The following PCDHA6 variants were observed in gnomAD, a reference collection of about 807,000 sequenced individuals.
The protein encoded by PCDHA6 is protocadherin alpha-6.
PCDHA6 carries 55 observed loss-of-function variants against 60.3 expected under a neutral mutation model. The observed-to-expected ratio is 0.91, with a 90% CI of 0.73 to 1.14. The LOEUF is 1.14. PCDHA6 is among the 50% of genes most tolerant of loss of function. PCDHA6 has a pLI of 0.00. For missense variants in PCDHA6, 1,327 were observed against 1,256.5 expected, an observed-to-expected ratio of 1.06 and a Z score of -0.85; for synonymous variants, 652 against 557.9, an observed-to-expected ratio of 1.17 and a Z score of -2.38.
In PCDHA6 at chr5:140,869,777, C is replaced by A. The variant is rs184691375; in HGVS notation, c.2394+39292C>A. On this transcript the variant is annotated intron_variant, in intron 1 of 3. Transcript: ENST00000529310. ...GGGGGAAAACCAGAGCTTACTGGCA[C>A]CGTTCGGCTGTTAGTCCAAGTCTTG... The A allele has an allele frequency of 1.0e-4, 167 of 1,612,982 alleles. 1 individual carries two copies. The highest frequency in any genetic ancestry group is 6.8e-6 in the Non-Finnish European group (8 of 1,179,600).
At chr5:140,884,317 G>C (rs1401667312) in intron 1 of PCDHA6, 15 of 1,613,780 alleles carry the variant, frequency 9.3e-6, no homozygotes, top group Non-Finnish European at 1.3e-5. Context: ...CGAGGGCGTC[G>C]GCAGGCGCTG....
chr5:140,844,111 C>T lies in PCDHA6; in HGVS notation c.2394+13626C>T, dbSNP rs2150368836. Among the ~76,000 whole-genome samples, 154 of 149,570 alleles carry T rather than the reference C, an allele frequency of 1.0e-3. 8 individuals are homozygous for T. The highest frequency in any genetic ancestry group is 3.7e-3 in the African/African-American group (153 of 40,936). On this transcript the variant is annotated intron_variant, in intron 1 of 3. Transcript: ENST00000529310. ...TCTTAATCTTACTCCATATGCTGTA[C>T]TTTGAAATGCATGTTTTAAATATGT...
rs141079325 is a variant in PCDHA6 at position 140,900,797 on chromosome 5, T to C, written c.2394+70312T>C. Among the ~76,000 whole-genome samples the C allele has an allele frequency of 8.0e-3, 1,218 of 152,324 alleles. 6 individuals carry two copies. Among genetic ancestry groups the C allele is most frequent in the African/African-American group, 0.019 (783 of 41,568 alleles). On this transcript the variant is annotated intron_variant, in intron 1 of 3. Coordinates refer to ENST00000529310, the MANE Select transcript of PCDHA6 (RefSeq NM_018909.4). ...TGAGGAAACTCCAAACTGTTCTCCA[T>C]AGTGCTTGTACTAATTTACATTCCC...
At chr5:140,978,770 A>G in intron 1 of PCDHA6, 179 bp from the exon 2 acceptor site, 3 of 956,466 alleles carry the variant, frequency 3.1e-6, no homozygotes, top group Non-Finnish European at 2.5e-6. Context: ...CTGATGAACT[A>G]ATTTTCTTCT....
chr5:140,963,529 C>T (rs1332936829), intron 1 of PCDHA6, among the ~76,000 whole-genome samples: 1 of 152,176 alleles, frequency 6.6e-6, no homozygotes, highest in Non-Finnish European at 1.5e-5. Flanking sequence ...ACAGAAGTCC[C>T]ATTTACTTCA....
intron 1 of PCDHA6, chr5:140,853,122 T>A: frequency 1.9e-6 from 1 of 528,258 alleles, no homozygotes; most frequent in Non-Finnish European, 2.5e-6. Flanking sequence ...CTCATGATCC[T>A]CCCGCCTCAG....
chr5:140,917,491 C>G (rs2078223929), intron 1 of PCDHA6, among the ~76,000 whole-genome samples: 1 of 152,172 alleles, frequency 6.6e-6, no homozygotes, highest in Non-Finnish European at 1.5e-5. Flanking sequence ...GGGCCTATGC[C>G]CAGAATGATA....
chr5:140,903,859 T>C (rs2070674942), intron 1 of PCDHA6, among the ~76,000 whole-genome samples: 1 of 152,186 alleles, frequency 6.6e-6, no homozygotes, highest in Non-Finnish European at 1.5e-5. Context: ...ACAAATAATA[T>C]AGAGTAAAAT....
intron 1 of PCDHA6, chr5:140,870,960 C>T: frequency 6.2e-7 from 1 of 1,613,670 alleles, no homozygotes; most frequent in Non-Finnish European, 8.5e-7. Context: ...GCTCGCGCAT[C>T]CCGTTCCGCG....
intron 1 of PCDHA6, chr5:140,968,473 G>T (rs1389339011): frequency 6.2e-7 from 1 of 1,613,980 alleles, no homozygotes; most frequent in African/African-American, 1.3e-5. Context: ...ACGTATATGT[G>T]GTGGACATGA....
chr5:140,832,322 A>G (rs187612308), intron 1 of PCDHA6, among the ~76,000 whole-genome samples: 3 of 152,242 alleles, frequency 2.0e-5, no homozygotes, highest in Non-Finnish European at 2.9e-5. Context: ...CTTAAGGGCC[A>G]TTAGAGGACT....
intron 1 of PCDHA6, chr5:140,966,522 G>C (rs1350046535): frequency 2.3e-6 from 1 of 437,158 alleles, no homozygotes; most frequent in Non-Finnish European, 4.0e-6. Context: ...GCAGGAAGCC[G>C]AGCCGGGTTG....
At chr5:140,836,687 C>A (rs2150267868) in intron 1 of PCDHA6, 2 of 1,613,458 alleles carry the variant, frequency 1.2e-6, no homozygotes, top group Non-Finnish European at 1.7e-6. Context: ...CCAAGACAGA[C>A]CTCATGGCCT....
At chr5:140,880,509 T>G (rs754891409) in intron 1 of PCDHA6, among the ~76,000 whole-genome samples, 134 of 152,182 alleles carry the variant, frequency 8.8e-4, no homozygotes, top group Non-Finnish European at 1.6e-3. Flanking sequence ...TTCTGTTTGG[T>G]CACATCTCTC....
chr5:141,003,648 G>A lies in PCDHA6; in HGVS notation c.2543-5979G>A, dbSNP rs1314983871. On this transcript the variant is annotated intron_variant, in intron 3 of 3. Transcript: ENST00000529310. ...GTTTTTAAAGTAGAAGTGAAGATCTGTATGCATTTATTAAAATATATGTTG... is the reference window on the plus strand; with the variant it reads ...GTTTTTAAAGTAGAAGTGAAGATCTATATGCATTTATTAAAATATATGTTG... Among the ~76,000 whole-genome samples the A allele has an allele frequency of 3.3e-5, 5 of 152,226 alleles. No individual in the cohort carries two copies. In the South Asian group the frequency reaches 6.2e-4, roughly 19 times the overall value.
At chr5:140,885,832 T>C (rs888778134) in intron 1 of PCDHA6, among the ~76,000 whole-genome samples, 1 of 152,244 alleles carries the variant, frequency 6.6e-6, no homozygotes, top group South Asian at 2.1e-4. Flanking sequence ...TTCTTTGATT[T>C]ATCCATTAAG....
chr5:140,836,719 G>A (rs1774695669), intron 1 of PCDHA6: 1 of 1,612,572 alleles, frequency 6.2e-7, no homozygotes, highest in African/African-American at 1.3e-5. Context: ...CTTCCTCAGG[G>A]TCCATCCTCT....
intron 1 of PCDHA6, among the ~76,000 whole-genome samples, chr5:140,873,773 G>A (rs1554166889): frequency 6.6e-6 from 1 of 152,120 alleles, no homozygotes; most frequent in Non-Finnish European, 1.5e-5. Context: ...CAATTCTCCT[G>A]CCTCAGCTTT....
rs1781368180 is a variant in PCDHA6 at position 140,848,199 on chromosome 5, A to G, written c.2394+17714A>G. 9.4e-6 allele frequency: 3 copies of G among 318,910 alleles called. No individual in the cohort carries two copies. In the East Asian group the frequency reaches 1.6e-4, roughly 17 times the overall value. The allele number at this position is 318,910 out of a possible 1,614,324, so 19.8% of individuals were successfully genotyped here. ...GAGAAACGGGATCTTCTGTTTCAAC[A>G]ATCATTACTTAAGAAAAAATTAAGA... On this transcript the variant is annotated intron_variant, in intron 1 of 3. Transcript: ENST00000529310.
Sources: allele counts gnomAD v4.1 joint callset (sites outside exome capture counted in the v4.1 genomes callset), GRCh38; gene constraint gnomAD v4.1.1; transcripts MANE v1.5; gene names NCBI Gene and HGNC (gene_info 2026-07-23, HGNC 2026-07-21).